Variants in NUS1 observed in about 807,000 individuals in gnomAD.
The protein encoded by NUS1 is dehydrodolichyl diphosphate synthase complex subunit NUS1.
For missense variants in NUS1, 292 were observed against 382.9 expected (o/e 0.76, Z 1.98); for synonymous variants, 135 against 155.2 (o/e 0.87, Z 0.97).
chr6:117,675,912 C>G lies in NUS1; in HGVS notation c.242C>G (p.Ala81Gly). The G allele has an allele frequency of 6.5e-7, 1 of 1,542,314 alleles. No individual in the cohort carries two copies. Among genetic ancestry groups the G allele is most frequent in the Non-Finnish European group, 8.8e-7 (1 of 1,142,606 alleles). Residue 81 changes from alanine (A) to glycine (G), a missense_variant, in exon 1 of 5, where the codon GCA (alanine) becomes GGA (glycine). Ala to Gly is a moderately conservative substitution (Grantham distance 60). Transcript: ENST00000368494. ...CGCGGGGGGTCGTGCCTGGCAGCCG[C>G]ACACCACCGGATGCGCTGGCGCGCG... ...HPRGGSCLAA[A>G]HHRMRWRADG...
At chr6:117,679,433 G>A (rs1773029818) in intron 1 of NUS1, among the ~76,000 whole-genome samples, 2 of 152,226 alleles carry the variant, frequency 1.3e-5, no homozygotes, top group South Asian at 4.1e-4. Context: ...GGGAAATGAG[G>A]TAGGATGAAG....
intron 4 of NUS1, 27 bp downstream of exon 4, chr6:117,703,731 T>C (rs760932790): frequency 6.6e-7 from 1 of 1,505,080 alleles, no homozygotes; most frequent in Non-Finnish European, 9.3e-7. Flanking sequence ...GTACTGACTT[T>C]GTTTAGATTC....
At chr6:117,693,975 T>A in intron 2 of NUS1, 56 bp from the exon 3 acceptor site, 3 of 1,550,604 alleles carry the variant, frequency 1.9e-6, no homozygotes, top group Non-Finnish European at 2.6e-6. Flanking sequence ...AAACTGCTTT[T>A]GAAATATACC....
chr6:117,697,374 A>T (rs1173426590), intron 3 of NUS1, among the ~76,000 whole-genome samples: 3 of 152,066 alleles, frequency 2.0e-5, no homozygotes, highest in Non-Finnish European at 4.4e-5. Context: ...GGGCGGATGG[A>T]TAAAAAATAA....
intron 3 of NUS1, among the ~76,000 whole-genome samples, chr6:117,697,886 G>A (rs887914190): frequency 6.6e-6 from 1 of 151,912 alleles, no homozygotes; most frequent in Admixed American, 6.6e-5. Context: ...TGAAACATTC[G>A]CAAGAAGAGA....
In NUS1 at chr6:117,675,794, C is replaced by A; in HGVS notation, c.124C>A (p.Arg42Ser). The A allele has an allele frequency of 1.3e-6, 2 of 1,562,898 alleles. No individual in the cohort carries two copies. Among genetic ancestry groups the A allele is most frequent in the Admixed American group, 1.9e-5 (1 of 52,604 alleles). The change falls in exon 1 of 5, where the codon CGC becomes AGC. Residue 42 changes from arginine (R) to serine (S), a missense_variant. By Grantham distance (110) the Arg-to-Ser change is moderately radical. Coordinates refer to ENST00000368494, the MANE Select transcript of NUS1 (RefSeq NM_138459.5). ...TWNWIWRRCCRAASAAVLAPL... is the reference protein window; with the variant it reads ...TWNWIWRRCCSAASAAVLAPL... ...GAACTGGATCTGGCGGCGCTGCTGCCGCGCCGCCTCTGCCGCGGTCCTAGC... is the reference window on the plus strand; with the variant it reads ...GAACTGGATCTGGCGGCGCTGCTGCAGCGCCGCCTCTGCCGCGGTCCTAGC...
At chr6:117,697,365 G>A (rs189029361) in intron 3 of NUS1, among the ~76,000 whole-genome samples, 1 of 151,974 alleles carries the variant, frequency 6.6e-6, no homozygotes, top group African/African-American at 2.4e-5. Context: ...ACATACAGTG[G>A]GCGGATGGAT....
chr6:117,695,106 A>G (rs1482729441), intron 3 of NUS1, among the ~76,000 whole-genome samples: 1 of 139,308 alleles, frequency 7.2e-6, no homozygotes, highest in Non-Finnish European at 1.5e-5. Flanking sequence ...AAGCAGGAGT[A>G]TAGTTTGAGT....
At chr6:117,706,250 A>G (rs1422208123) in intron 4 of NUS1, among the ~76,000 whole-genome samples, 3 of 152,176 alleles carry the variant, frequency 2.0e-5, no homozygotes, top group South Asian at 4.1e-4. Flanking sequence ...GTAATTGGAA[A>G]TGGTGGAGGT....
chr6:117,693,592 T>C (rs1773274938), intron 2 of NUS1, among the ~76,000 whole-genome samples: 1 of 152,200 alleles, frequency 6.6e-6, no homozygotes, highest in South Asian at 2.1e-4. Flanking sequence ...AAAGTAGAAT[T>C]GATAAAGGTA....
chr6:117,676,713 G>A (rs1180453104), intron 1 of NUS1, among the ~76,000 whole-genome samples: 1 of 152,206 alleles, frequency 6.6e-6, no homozygotes, highest in Non-Finnish European at 1.5e-5. Flanking sequence ...CCACAAGATC[G>A]TAATGGGGCC....
rs550676 is a variant in NUS1, at chr6:117,706,982, A to C, written c.849A>C (p.Gln283His). 3.1e-6 allele frequency: 5 copies of C among 1,612,658 alleles called. No individual in the cohort carries two copies. Among genetic ancestry groups the C allele is most frequent in the Non-Finnish European group, 4.2e-6 (5 of 1,179,062 alleles). The part of the protein sequence containing the change: ...SYEDFFSALR[Q>H]YAACEQRLGK ...AGGACTTTTTCTCTGCCCTTCGTCA[A>C]TATGCAGCCTGTGAACAGCGTCTGG... Residue 283 changes from glutamine (Q) to histidine (H), a missense_variant, in exon 5 of 5, where the codon CAA (glutamine) becomes CAC (histidine). Physicochemically the swap from Gln to His is conservative, Grantham distance 24 (BLOSUM62 0). Coordinates refer to ENST00000368494, the MANE Select transcript of NUS1 (RefSeq NM_138459.5).
At chr6:117,691,878 T>C (rs2114686009) in intron 1 of NUS1, among the ~76,000 whole-genome samples, 1 of 151,922 alleles carries the variant, frequency 6.6e-6, no homozygotes, top group East Asian at 1.9e-4. Context: ...CACGTTGCTC[T>C]GTTACTCTTT....
chr6:117,691,552 GATATAGATATAT>G (rs1773218499), intron 1 of NUS1, among the ~76,000 whole-genome samples: 1 of 37,556 alleles, frequency 2.7e-5, no homozygotes, highest in Non-Finnish European at 6.7e-5. Flanking sequence ...CTGTGCCATA[GATATAGATATAT>G]ATATATATAT....
chr6:117,684,956 G>C (rs1582466366), intron 1 of NUS1, among the ~76,000 whole-genome samples: 1 of 152,182 alleles, frequency 6.6e-6, no homozygotes, highest in Non-Finnish European at 1.5e-5. Context: ...TGTGGACAAA[G>C]ACTAGAAAAT....
In NUS1 at chr6:117,706,832, A is replaced by G. The variant is rs180790493; in HGVS notation, c.792-93A>G. 64 of 959,884 alleles carry G rather than the reference A, an allele frequency of 6.7e-5. 1 individual carries two copies. The highest frequency in any genetic ancestry group is 4.7e-4 in the Admixed American group (27 of 57,572). The allele number at this position is 959,884 out of a possible 1,614,324, so 59.5% of individuals were successfully genotyped here. A position where few individuals can be genotyped will look rare whatever the true frequency, so the allele number is the denominator to read the frequency against. ...GGTGGAGGATAATTTGGTGTATTCT[A>G]TTCTTAACTTCTTTTTGGTCCTTAT... On this transcript the variant is annotated intron_variant, in intron 4 of 4. Coordinates refer to ENST00000368494, the MANE Select transcript of NUS1 (RefSeq NM_138459.5).
intron 1 of NUS1, among the ~76,000 whole-genome samples, chr6:117,683,871 G>A (rs888068053): frequency 2.0e-5 from 3 of 152,128 alleles, no homozygotes; most frequent in African/African-American, 7.2e-5. Context: ...TGGAATACTT[G>A]TCTAATTAAA....
chr6:117,705,325 A>C (rs1332459757), intron 4 of NUS1, among the ~76,000 whole-genome samples: 1 of 152,056 alleles, frequency 6.6e-6, no homozygotes, highest in Non-Finnish European at 1.5e-5. Context: ...TACAGTTGGG[A>C]GTGGTTTGGA....
chr6:117,692,867 A>G (rs1211044875), intron 1 of NUS1, among the ~76,000 whole-genome samples, 175 bp from the exon 2 acceptor site: 1 of 152,126 alleles, frequency 6.6e-6, no homozygotes, highest in South Asian at 2.1e-4. Context: ...AGACTCTTGT[A>G]TTAACAAAGT....
Sources: gnomAD v4.1 joint callset for allele counts (sites outside exome capture counted in the v4.1 genomes callset) on GRCh38, gnomAD v4.1.1 for gene constraint, MANE v1.5 for transcripts, NCBI Gene and HGNC (gene_info 2026-07-23, HGNC 2026-07-21) for gene names.